The following CPEB1 variants were observed in gnomAD, a reference collection of about 807,000 sequenced individuals.
The protein encoded by CPEB1 is cytoplasmic polyadenylation element-binding protein 1.
Under a neutral mutation model 65.8 loss-of-function variants are expected in CPEB1, and 7 were observed. That is an observed-to-expected ratio of 0.11 (90% CI 0.06 to 0.20). The LOEUF (loss-of-function observed/expected upper bound fraction) is 0.20. Ranked by LOEUF, CPEB1 falls within the 10% of genes least tolerant of loss-of-function variation. CPEB1 has a pLI of 1.00. For missense variants in CPEB1, 551 were observed against 712.2 expected, an observed-to-expected ratio of 0.77 and a Z score of 2.58; for synonymous variants, 262 against 260.0, an observed-to-expected ratio of 1.01 and a Z score of -0.08.
chr15:82,610,302 T>A lies in CPEB1; in HGVS notation c.271+16891A>T, dbSNP rs901140629. Among the ~76,000 whole-genome samples the A allele has an allele frequency of 2.6e-5, 4 of 152,200 alleles. No homozygotes were observed. The East Asian group carries it at 5.8e-4, about 22-fold the overall frequency. On this transcript the variant is annotated intron_variant, in intron 3 of 12. Coordinates refer to ENST00000684509, the MANE Select transcript of CPEB1 (RefSeq NM_001365242.1). Reference sequence around the variant, plus strand: ...AACCTAAAAAAGAATAAATACCAATTATTCACATGTACTTTTCCAAAAAGC... The same window carrying A: ...AACCTAAAAAAGAATAAATACCAATAATTCACATGTACTTTTCCAAAAAGC...
intron 3 of CPEB1, among the ~76,000 whole-genome samples, chr15:82,573,666 T>C (rs987466448): frequency 6.6e-6 from 1 of 152,154 alleles, no homozygotes; most frequent in Admixed American, 6.6e-5. Flanking sequence ...GAGAATCAAC[T>C]ATGCTCTTGC....
chr15:82,626,567 G>T (rs2045794985), intron 3 of CPEB1, among the ~76,000 whole-genome samples: 1 of 152,188 alleles, frequency 6.6e-6, no homozygotes, highest in Non-Finnish European at 1.5e-5. Flanking sequence ...ACACCTCTTG[G>T]AAAGAGTCAA....
intron 3 of CPEB1, among the ~76,000 whole-genome samples, chr15:82,591,441 T>A (rs1209623874): frequency 6.6e-6 from 1 of 152,116 alleles, no homozygotes. Flanking sequence ...ATTTTTGTAA[T>A]TTTTAGTAGA....
intron 2 of CPEB1, chr15:82,628,136 A>T: frequency 1.4e-6 from 1 of 693,730 alleles, no homozygotes; most frequent in Non-Finnish European, 2.6e-6. Context: ...GAAGAATTAC[A>T]CCAGTGACAA....
chr15:82,567,306 A>G (rs1482932865), intron 4 of CPEB1, among the ~76,000 whole-genome samples: 1 of 152,170 alleles, frequency 6.6e-6, no homozygotes, highest in African/African-American at 2.4e-5. Context: ...GACACAGCAC[A>G]GGGAACATTC....
chr15:82,581,081 A>G (rs2041238887), intron 3 of CPEB1, among the ~76,000 whole-genome samples: 1 of 152,068 alleles, frequency 6.6e-6, no homozygotes, highest in African/African-American at 2.4e-5. Flanking sequence ...GGCTCAAGTG[A>G]TCCACCCACC....
intron 3 of CPEB1, among the ~76,000 whole-genome samples, chr15:82,613,094 C>T (rs2044337888): frequency 6.6e-6 from 1 of 151,382 alleles, no homozygotes; most frequent in South Asian, 2.1e-4. Context: ...ACTCTGACAC[C>T]AGGGATATTT....
intron 9 of CPEB1, 115 bp from the exon 10 acceptor site, chr15:82,549,773 G>T (rs375554580): frequency 3.5e-5 from 34 of 964,624 alleles, no homozygotes; most frequent in East Asian, 2.6e-4. Context: ...CCCTTACAGG[G>T]GTGAAAAGGT....
intron 3 of CPEB1, among the ~76,000 whole-genome samples, chr15:82,602,732 G>A (rs1472971959): frequency 1.3e-5 from 2 of 152,142 alleles, no homozygotes; most frequent in East Asian, 1.9e-4. Flanking sequence ...TGTAATCCCA[G>A]CTACTCAGGA....
chr15:82,617,613 C>T (rs1161678804), intron 3 of CPEB1, among the ~76,000 whole-genome samples: 4 of 148,550 alleles, frequency 2.7e-5, no homozygotes, highest in Non-Finnish European at 4.4e-5. Context: ...GACAAATGCA[C>T]AATAATAATG....
intron 3 of CPEB1, among the ~76,000 whole-genome samples, chr15:82,621,099 T>C (rs555051580): frequency 9.2e-5 from 14 of 152,372 alleles, no homozygotes; most frequent in African/African-American, 3.4e-4. Flanking sequence ...TCCTGCAAGA[T>C]GGGACTGAAT....
intron 3 of CPEB1, among the ~76,000 whole-genome samples, chr15:82,593,823 C>T (rs952153289): frequency 1.5e-4 from 23 of 152,208 alleles, no homozygotes; most frequent in Admixed American, 1.0e-3. Context: ...TCTCCTTGTA[C>T]ATCTCCATCA....
chr15:82,588,724 G>C (rs2041996113), intron 3 of CPEB1, among the ~76,000 whole-genome samples: 2 of 152,174 alleles, frequency 1.3e-5, no homozygotes, highest in African/African-American at 4.8e-5. Flanking sequence ...ATTGATAGCT[G>C]TTGGTCAAAA....
At chr15:82,647,748 CG>C, upstream of CPEB1, 1 of 1,033,154 alleles carries the variant, frequency 9.7e-7, no homozygotes, top group Non-Finnish European at 1.2e-6. Context: ...CTCGCCCGCA[CG>C]GGGCGGGGGA....
chr15:82,601,485 G>T (rs2151194523), intron 3 of CPEB1, among the ~76,000 whole-genome samples: 1 of 152,180 alleles, frequency 6.6e-6, no homozygotes, highest in Admixed American at 6.5e-5. Flanking sequence ...AGGTTGCAGT[G>T]ACCTGAGATC....
At chr15:82,549,761 C>T (rs2035920984) in intron 9 of CPEB1, 103 bp from the exon 10 acceptor site, 6 of 1,155,076 alleles carry the variant, frequency 5.2e-6, no homozygotes, top group Admixed American at 4.0e-5. Flanking sequence ...GCTAAGCTAA[C>T]GCCCTTACAG....
At chr15:82,556,712 T>C (rs1036489991) in intron 5 of CPEB1, among the ~76,000 whole-genome samples, 3 of 152,196 alleles carry the variant, frequency 2.0e-5, no homozygotes, top group Admixed American at 6.5e-5. Flanking sequence ...GAGTCCAATC[T>C]AAGTAATATA....
At chr15:82,557,427 AC>A (rs1384981437) in intron 5 of CPEB1, 1 of 287,044 alleles carries the variant, frequency 3.5e-6, no homozygotes, top group Non-Finnish European at 6.4e-6. Flanking sequence ...TAAAGAAAGC[AC>A]CCCGTGTAGG....
At chr15:82,643,389 TG>T (rs2047253455) in intron 1 of CPEB1, among the ~76,000 whole-genome samples, 1 of 152,128 alleles carries the variant, frequency 6.6e-6, no homozygotes, top group Non-Finnish European at 1.5e-5. Flanking sequence ...CCCAGCACTG[TG>T]GGAGGCTGAG....
Sources: allele counts gnomAD v4.1 joint callset (sites outside exome capture counted in the v4.1 genomes callset), GRCh38; gene constraint gnomAD v4.1.1; transcripts MANE v1.5; gene names NCBI Gene and HGNC (gene_info 2026-07-23, HGNC 2026-07-21).